Variants in ZNF451 observed in about 807,000 individuals in gnomAD.
ZNF451 encodes the protein zinc finger protein 451, also known as E3 SUMO-protein ligase ZNF451.
Under a neutral mutation model 107.1 loss-of-function variants are expected in ZNF451, and 80 were observed. That is an observed-to-expected ratio of 0.75 (90% CI 0.62 to 0.90). The LOEUF is 0.90. Ranked by LOEUF, ZNF451 falls within the 40% of genes least tolerant of loss-of-function variation. ZNF451 has a pLI of 0.00. For missense variants in ZNF451, 1,107 were observed against 1,236.2 expected, an observed-to-expected ratio of 0.90 and a Z score of 1.57; for synonymous variants, 362 against 406.5, an observed-to-expected ratio of 0.89 and a Z score of 1.32.
Position 57,148,169 on chromosome 6 carries a change from T to C in ZNF451, c.2084T>C (p.Val695Ala). The change falls in exon 10 of 15, where the codon GTA becomes GCA. Residue 695 changes from valine (V) to alanine (A), a missense_variant. By Grantham distance (64) the Val-to-Ala change is moderately conservative. Transcript: ENST00000370706. The stretch of plus-strand genomic sequence containing the variant: ...GAGGAGCACCACAGCATAGATTATG[T>C]ATTTGTGTCAGAAAAAACTGAAACT... The part of the protein sequence containing the change: ...HYEEHHSIDY[V>A]FVSEKTETSI... 1.2e-6 allele frequency: 2 copies of C among 1,614,096 alleles called. No homozygotes were observed. Among genetic ancestry groups the C allele is most frequent in the Non-Finnish European group, 8.5e-7 (1 of 1,179,988 alleles).
chr6:57,100,722 T>C, intron 3 of ZNF451: 1 of 1,550,548 alleles, frequency 6.4e-7, no homozygotes, highest in South Asian at 1.2e-5. Context: ...GTTCCAGCAG[T>C]CCAGAAAGGA....
chr6:57,157,944 C>G (rs1432359782), intron 13 of ZNF451, among the ~76,000 whole-genome samples: 1 of 152,178 alleles, frequency 6.6e-6, no homozygotes. Flanking sequence ...TGCCAGCCAC[C>G]ATGTTAACTG....
At chr6:57,149,830 C>CTT (rs11455525) in intron 10 of ZNF451, among the ~76,000 whole-genome samples, 5 of 150,652 alleles carry the variant, frequency 3.3e-5, no homozygotes, top group Non-Finnish European at 4.4e-5. Context: ...CTTCTGTTTA[C>CTT]TTTTTTTTTG....
intron 13 of ZNF451, among the ~76,000 whole-genome samples, chr6:57,154,773 A>G (rs1361786707): frequency 6.6e-6 from 1 of 152,240 alleles, no homozygotes; most frequent in African/African-American, 2.4e-5. Context: ...AAATATCCTA[A>G]TAATTTAAAT....
At chr6:57,154,477 A>G (rs1763303394) in intron 13 of ZNF451, 2 of 215,726 alleles carry the variant, frequency 9.3e-6, no homozygotes, top group South Asian at 2.4e-4. Flanking sequence ...TGACAGTGAC[A>G]AAATAAAACG....
At chr6:57,101,425 C>G (rs757750716) in intron 3 of ZNF451, 1 of 1,550,794 alleles carries the variant, frequency 6.4e-7, no homozygotes, top group South Asian at 1.2e-5. Context: ...GGACACCTCT[C>G]CTTTCCAACC....
chr6:57,149,671 G>C (rs7744824), intron 10 of ZNF451, among the ~76,000 whole-genome samples: 39,582 of 152,076 alleles, frequency 0.26, 5,516 homozygotes, highest in African/African-American at 0.35. Context: ...TGAATTTTTA[G>C]AGTCTTGCTC....
At chr6:57,161,050 C>T (rs1029446314) in intron 13 of ZNF451, 34 bp from the exon 14 acceptor site, 7 of 1,380,182 alleles carry the variant, frequency 5.1e-6, no homozygotes, top group Non-Finnish European at 6.9e-6. Context: ...AAATTTATGG[C>T]ACAATAACTG....
chr6:57,149,321 A>G (rs1472078641), intron 10 of ZNF451, among the ~76,000 whole-genome samples: 1 of 152,154 alleles, frequency 6.6e-6, no homozygotes, highest in African/African-American at 2.4e-5. Context: ...GGCAGGTGTT[A>G]TGTTTTTATT....
chr6:57,100,746 T>C, intron 3 of ZNF451: 1 of 1,550,574 alleles, frequency 6.4e-7, no homozygotes, highest in South Asian at 1.2e-5. Flanking sequence ...TTTCTCAAAC[T>C]TCCTCTGTTG....
At chr6:57,133,874 C>T (rs968484024) in intron 6 of ZNF451, among the ~76,000 whole-genome samples, 2 of 152,102 alleles carry the variant, frequency 1.3e-5, no homozygotes, top group Admixed American at 1.3e-4. Context: ...CGTGGCTCTG[C>T]CATGTTGCCC....
intron 2 of ZNF451, among the ~76,000 whole-genome samples, chr6:57,095,352 A>T (rs1001564433): frequency 7.0e-6 from 1 of 142,482 alleles, no homozygotes; most frequent in African/African-American, 2.6e-5. Flanking sequence ...TTTTTTTTAA[A>T]GAGATAGGGT....
chr6:57,094,821 T>C (rs1829211188), intron 2 of ZNF451, among the ~76,000 whole-genome samples: 1 of 152,220 alleles, frequency 6.6e-6, no homozygotes, highest in Non-Finnish European at 1.5e-5. Flanking sequence ...ATAGTATTTA[T>C]GTTTTGAACT....
chr6:57,152,398 T>C (rs774057077), intron 12 of ZNF451, 47 bp downstream of exon 12: 1 of 1,608,636 alleles, frequency 6.2e-7, no homozygotes, highest in Non-Finnish European at 8.5e-7. Context: ...TCAGACCCAC[T>C]TGCATTTTTT....
intron 7 of ZNF451, among the ~76,000 whole-genome samples, chr6:57,136,951 C>A (rs960617436): frequency 2.0e-5 from 3 of 152,172 alleles, no homozygotes; most frequent in Non-Finnish European, 4.4e-5. Context: ...GCTTTGGTAT[C>A]AGACAGACCT....
intron 2 of ZNF451, 128 bp from the exon 3 acceptor site, chr6:57,098,933 G>T: frequency 1.7e-6 from 1 of 590,498 alleles, no homozygotes; most frequent in Admixed American, 2.9e-5. Context: ...GTTATTTTCT[G>T]CTACCCACAA....
intron 3 of ZNF451, chr6:57,108,491 C>T (rs1829970503): frequency 1.0e-6 from 1 of 985,186 alleles, no homozygotes; most frequent in Non-Finnish European, 1.2e-6. Context: ...AAACGTTTCC[C>T]CAAGTCACTA....
chr6:57,108,596 T>C (rs1593094291), intron 3 of ZNF451: 20 of 985,266 alleles, frequency 2.0e-5, no homozygotes, highest in Non-Finnish European at 2.3e-5. Context: ...CAGTAGAATA[T>C]AGTTATATAA....
chr6:57,156,779 T>A (rs1763445819), intron 13 of ZNF451, among the ~76,000 whole-genome samples: 1 of 152,210 alleles, frequency 6.6e-6, no homozygotes, highest in African/African-American at 2.4e-5. Flanking sequence ...CACCAGGGAC[T>A]GGTTTCATGG....
Sources: allele counts gnomAD v4.1 joint callset (sites outside exome capture counted in the v4.1 genomes callset), GRCh38; gene constraint gnomAD v4.1.1; transcripts MANE v1.5; gene names NCBI Gene and HGNC (gene_info 2026-07-23, HGNC 2026-07-21).